Variants in FRMPD4 observed in about 807,000 individuals in gnomAD.
The protein encoded by FRMPD4 is FERM and PDZ domain-containing protein 4.
A neutral mutation model predicts 94.1 loss-of-function variants in FRMPD4; 22 were observed. The ratio of observed to expected loss-of-function variants is 0.23; its 90% CI spans 0.17 to 0.33. The LOEUF (loss-of-function observed/expected upper bound fraction) is 0.33, where lower values mean the gene tolerates loss of function less well. FRMPD4 is among the 10% of genes least tolerant of loss of function. The pLI is 1.00. For missense variants in FRMPD4, 1,111 were observed against 1,339.9 expected, an observed-to-expected ratio of 0.83 and a Z score of 2.67; for synonymous variants, 631 against 548.6, an observed-to-expected ratio of 1.15 and a Z score of -2.10.
chrX:12,034,913 A>G (rs987436818), intron 3 of FRMPD4, among the ~76,000 whole-genome samples: 2 of 111,907 alleles, frequency 1.8e-5, no homozygotes, highest in Non-Finnish European at 3.8e-5. Context: ...CTCTAGCATC[A>G]CTGTAAAAGG....
intron 1 of FRMPD4, among the ~76,000 whole-genome samples, chrX:12,430,655 A>G (rs2897783): frequency 0.44 from 49,166 of 110,752 alleles, 9,688 homozygotes; most frequent in African/African-American, 0.76. Flanking sequence ...GCAGCTGGAC[A>G]TTGATGGCCC....
At chrX:12,676,555 TTTTG>T (rs768045497) in intron 5 of FRMPD4, among the ~76,000 whole-genome samples, 71 of 112,401 alleles carry the variant, frequency 6.3e-4, no homozygotes, top group African/African-American at 1.7e-3. Flanking sequence ...GTGTTTTGTT[TTTTG>T]TTTGTTTGTT....
intron 3 of FRMPD4, among the ~76,000 whole-genome samples, chrX:11,935,269 G>T (rs906695271): frequency 0.036 from 177 of 4,934 alleles, 8 homozygotes; most frequent in African/African-American, 0.06. Flanking sequence ...TTTTTAATGT[G>T]TTTTTTTTTT....
At chrX:12,669,741 T>A (rs1171323004) in intron 4 of FRMPD4, among the ~76,000 whole-genome samples, 1 of 111,725 alleles carries the variant, frequency 9.0e-6, no homozygotes, top group Non-Finnish European at 1.9e-5. Flanking sequence ...AAGATGATAC[T>A]GCTGGTTTTG....
chrX:12,220,782 A>G (rs2056856996), intron 1 of FRMPD4, among the ~76,000 whole-genome samples: 1 of 112,545 alleles, frequency 8.9e-6, no homozygotes, highest in Non-Finnish European at 1.9e-5. Context: ...CAGATTAAAT[A>G]AAAATTTGCA....
intron 2 of FRMPD4, among the ~76,000 whole-genome samples, chrX:12,519,552 G>A (rs912719824): frequency 2.7e-5 from 3 of 111,829 alleles, no homozygotes; most frequent in Non-Finnish European, 3.8e-5. Context: ...TAGACAAATG[G>A]GACTACATTA....
At chrX:12,065,433 T>A (rs2054912693) in intron 3 of FRMPD4, among the ~76,000 whole-genome samples, 1 of 112,144 alleles carries the variant, frequency 8.9e-6, no homozygotes, top group African/African-American at 3.2e-5. Context: ...AGATGCCTAT[T>A]TCAGAACCTA....
At chrX:12,212,503 C>T (rs1285598178) in intron 1 of FRMPD4, among the ~76,000 whole-genome samples, 2 of 111,231 alleles carry the variant, frequency 1.8e-5, no homozygotes, top group Middle Eastern at 4.2e-3. Flanking sequence ...AGACTGGGCT[C>T]CAGGGCACTG....
intron 1 of FRMPD4, among the ~76,000 whole-genome samples, chrX:12,444,441 A>G (rs1039048744): frequency 7.1e-5 from 8 of 111,900 alleles, no homozygotes; most frequent in African/African-American, 2.6e-4. Flanking sequence ...TACCTTTGCA[A>G]CTTCAAAAAT....
intron 15 of FRMPD4, 116 bp from the exon 16 acceptor site, chrX:12,717,385 C>A: frequency 1.8e-6 from 1 of 553,720 alleles, no homozygotes; most frequent in Non-Finnish European, 2.9e-6. Flanking sequence ...AGAGTCCTTA[C>A]TGAAAAGGGA....
At chrX:12,596,344 A>T (rs1392272145) in intron 2 of FRMPD4, among the ~76,000 whole-genome samples, 9 of 111,890 alleles carry the variant, frequency 8.0e-5, no homozygotes, top group Non-Finnish European at 1.5e-4. Context: ...ACCAAAATTG[A>T]TGTCAGGGAT....
chrX:12,467,125 C>A (rs1179041106), intron 1 of FRMPD4, among the ~76,000 whole-genome samples: 1 of 106,673 alleles, frequency 9.4e-6, no homozygotes, highest in Non-Finnish European at 1.9e-5. Flanking sequence ...TTGGAAATAC[C>A]AGTGAACAGG....
At chrX:11,845,706 G>A (rs1329597001) in intron 1 of FRMPD4, among the ~76,000 whole-genome samples, 1 of 110,832 alleles carries the variant, frequency 9.0e-6, no homozygotes, top group Admixed American at 9.7e-5. Context: ...TCATCCCTGG[G>A]ATGCAAGGCT....
intron 1 of FRMPD4, among the ~76,000 whole-genome samples, chrX:12,304,376 A>G (rs1053472083): frequency 9.9e-5 from 11 of 110,911 alleles, no homozygotes; most frequent in African/African-American, 3.6e-4. Context: ...TGTCCTGTAC[A>G]TTGCAGGATG....
intron 3 of FRMPD4, among the ~76,000 whole-genome samples, chrX:11,934,169 A>T (rs1415601472): frequency 8.9e-6 from 1 of 112,269 alleles, no homozygotes; most frequent in East Asian, 2.8e-4. Context: ...ACCATTGCAT[A>T]CTTACTGGGT....
chrX:11,995,297 C>T (rs962852909), intron 3 of FRMPD4, among the ~76,000 whole-genome samples: 9 of 111,702 alleles, frequency 8.1e-5, no homozygotes, highest in African/African-American at 2.9e-4. Context: ...ATTGGGCTTT[C>T]CTGACATCTG....
At chrX:12,259,406 G>A (rs1351287762) in intron 1 of FRMPD4, among the ~76,000 whole-genome samples, 1 of 111,555 alleles carries the variant, frequency 9.0e-6, no homozygotes, top group Non-Finnish European at 1.9e-5. Context: ...GTAGAGAATG[G>A]AGTGATGCAG....
chrX:12,500,583 T>C (rs765310587), intron 2 of FRMPD4, among the ~76,000 whole-genome samples: 8 of 110,880 alleles, frequency 7.2e-5, no homozygotes, highest in South Asian at 3.9e-4. Flanking sequence ...CAGTATGCCC[T>C]TGAACATGAC....
In FRMPD4 at chrX:12,231,030, G is replaced by GTGTATATA. The variant is rs2056993261; in HGVS notation, c.41+92019_41+92020insGTATATAT. On this transcript the variant is annotated intron_variant, in intron 1 of 16. Coordinates refer to ENST00000675598, the MANE Select transcript of FRMPD4 (RefSeq NM_001368397.1). ...ATATAGTATATATAGTATATATATAGTATATATATATATATATAAAATATA... is the reference window on the plus strand; with the variant it reads ...ATATAGTATATATAGTATATATATAGTGTATATATATATATATATATATATAAAATATA... 2.7e-3 allele frequency among the ~76,000 whole-genome samples: 71 copies of GTGTATATA among 26,383 alleles called. 1 individual carries two copies. The highest frequency in any genetic ancestry group is 8.6e-3 in the African/African-American group (70 of 8,175). 22.9% of individuals were successfully genotyped at this position (26,383 alleles called of 115,157 possible).
Sources: gnomAD v4.1 joint callset for allele counts (sites outside exome capture counted in the v4.1 genomes callset) on GRCh38, gnomAD v4.1.1 for gene constraint, MANE v1.5 for transcripts, NCBI Gene and HGNC (gene_info 2026-07-23, HGNC 2026-07-21) for gene names.